Variants in TARS3 observed in about 807,000 individuals in gnomAD.
The protein encoded by TARS3 is threonyl-tRNA synthetase 3, also known as threonine--tRNA ligase 2, cytoplasmic.
A neutral mutation model predicts 103.5 loss-of-function variants in TARS3; 94 were observed. The observed-to-expected ratio is 0.91, with a 90% CI of 0.77 to 1.08. The LOEUF is 1.08. Among genes scored for constraint, TARS3 ranks in the 50% least tolerant of loss-of-function variants. The probability of loss-of-function intolerance (pLI) is 0.00; values close to 1 mark genes in which losing one functional copy is unlikely to be tolerated. For missense variants in TARS3, 952 were observed against 995.2 expected, an observed-to-expected ratio of 0.96 and a Z score of 0.58; for synonymous variants, 416 against 355.4, an observed-to-expected ratio of 1.17 and a Z score of -1.92.
intron 10 of TARS3, among the ~76,000 whole-genome samples, chr15:101,698,310 G>A: frequency 6.6e-6 from 1 of 151,934 alleles, no homozygotes; most frequent in East Asian, 1.9e-4. Context: ...TCCAACCTGG[G>A]CGACACAGCG....
chr15:101,723,085 C>A lies in TARS3; in HGVS notation c.369+8G>T, dbSNP rs1031808012. The A allele has an allele frequency of 1.2e-6, 2 of 1,613,670 alleles. No individual in the cohort carries two copies. The highest frequency in any genetic ancestry group is 1.6e-4 in the Middle Eastern group (1 of 6,062). The stretch of plus-strand genomic sequence containing the variant: ...GTATTTTATATTGTTTCCACAGCAA[C>A]AACTTACCTCGCTGTCAGCCTCGCT... On this transcript the variant is annotated splice_region_variant and intron_variant, in intron 2 of 18. Coordinates refer to ENST00000335968, the MANE Select transcript of TARS3 (RefSeq NM_152334.3).
At chr15:101,671,845 T>C (rs778594797) in intron 13 of TARS3, 97 bp from the exon 14 acceptor site, 122 of 954,556 alleles carry the variant, frequency 1.3e-4, no homozygotes, top group Middle Eastern at 3.0e-4. Flanking sequence ...TTACAGTCTA[T>C]GTTAGTTCAA....
intron 10 of TARS3, among the ~76,000 whole-genome samples, chr15:101,687,153 A>G (rs1898509282): frequency 6.6e-6 from 1 of 152,148 alleles, no homozygotes; most frequent in Admixed American, 6.5e-5. Context: ...CTGTAATCCC[A>G]GCACTTTGGG....
In TARS3 at chr15:101,724,256, C is replaced by G. The variant is rs989406034; in HGVS notation, c.132G>C (p.Gln44His). Residue 44 changes from glutamine (Q) to histidine (H), a missense_variant, in exon 1 of 19, where the codon CAG (glutamine) becomes CAC (histidine). Gln to His is a conservative substitution (Grantham distance 24). Around this residue, in one of 2 missense-constraint regions of TARS3, gnomAD observed 412 missense variants for 364.2 expected, o/e 1.13. Transcript: ENST00000335968. Reference sequence around the variant, plus strand: ...CCCGCGTGAGGCACGGCCCCTCCGCCTGGCAGCTGTAGGGCGCGTTCAGCT... The same window carrying G: ...CCCGCGTGAGGCACGGCCCCTCCGCGTGGCAGCTGTAGGGCGCGTTCAGCT... Reference protein sequence around the residue: ...DEQLNAPYSCQAEGPCLTREV... With the variant: ...DEQLNAPYSCHAEGPCLTREV... 2.9e-5 allele frequency: 45 copies of G among 1,563,578 alleles called. No individual in the cohort carries two copies. Among genetic ancestry groups the G allele is most frequent in the Non-Finnish European group, 3.8e-5 (44 of 1,161,658 alleles).
rs760396572 is a variant in TARS3 at position 101,653,962 on chromosome 15, T to A, written c.*620A>T. 9 of 152,268 alleles carry A rather than the reference T, an allele frequency of 5.9e-5. No individual in the cohort carries two copies. The highest frequency in any genetic ancestry group is 1.0e-4 in the Non-Finnish European group (7 of 68,072). The allele number at this position is 152,268 out of a possible 1,614,324, so 9.4% of individuals were successfully genotyped here. A position where few individuals can be genotyped will look rare whatever the true frequency, so the allele number is the denominator to read the frequency against. ...GATGCAATTCATTTGGGAATTTATT[T>A]TTTTCTAAAGCGGAACAAAACCTAA... On this transcript the variant is annotated 3_prime_UTR_variant, in exon 19 of 19. Coordinates refer to ENST00000335968, the MANE Select transcript of TARS3 (RefSeq NM_152334.3).
intron 17 of TARS3, 44 bp downstream of exon 17, chr15:101,657,741 A>G: frequency 1.5e-6 from 2 of 1,340,780 alleles, no homozygotes; most frequent in Non-Finnish European, 1.0e-6. Flanking sequence ...CCTACACAGA[A>G]TACATGCAAG....
At chr15:101,711,841 G>T in intron 5 of TARS3, 39 bp downstream of exon 5, 2 of 1,605,250 alleles carry the variant, frequency 1.2e-6, no homozygotes, top group South Asian at 2.2e-5. Flanking sequence ...CAATACAATT[G>T]AAACACATGC....
At chr15:101,667,145 T>C (rs1027636736) in intron 15 of TARS3, among the ~76,000 whole-genome samples, 2 of 152,104 alleles carry the variant, frequency 1.3e-5, no homozygotes, top group African/African-American at 4.8e-5. Context: ...TCCTGAGCAG[T>C]AGGTCTCAAC....
chr15:101,695,884 G>A (rs6598495), intron 10 of TARS3: 94,357 of 151,258 alleles, frequency 0.62, 30,266 homozygotes, highest in East Asian at 0.95. Context: ...CAGCCTGGGC[G>A]ACAAGGGCAA....
At chr15:101,665,013 T>C (rs1897525726) in intron 15 of TARS3, among the ~76,000 whole-genome samples, 1 of 151,904 alleles carries the variant, frequency 6.6e-6, no homozygotes, top group African/African-American at 2.4e-5. Context: ...TGGTAAAGAG[T>C]TGGTGAATTT....
intron 2 of TARS3, among the ~76,000 whole-genome samples, chr15:101,722,322 T>C (rs75566772): frequency 6.6e-6 from 1 of 151,738 alleles, no homozygotes; most frequent in East Asian, 1.9e-4. Flanking sequence ...TTACAGCACT[T>C]ACTTGTATAC....
chr15:101,695,231 C>T (rs1484254776), intron 10 of TARS3, among the ~76,000 whole-genome samples: 1 of 152,154 alleles, frequency 6.6e-6, no homozygotes, highest in African/African-American at 2.4e-5. Flanking sequence ...AACATTTCCA[C>T]CCTCCAGGAA....
intron 16 of TARS3, among the ~76,000 whole-genome samples, 198 bp from the exon 17 acceptor site, chr15:101,658,055 A>C (rs1395863195): frequency 6.6e-6 from 1 of 152,216 alleles, no homozygotes; most frequent in Non-Finnish European, 1.5e-5. Flanking sequence ...TTTTGATAGC[A>C]CAAGTGCAGG....
At chr15:101,655,429 G>A (rs1897164025) in intron 18 of TARS3, among the ~76,000 whole-genome samples, 1 of 140,096 alleles carries the variant, frequency 7.1e-6, no homozygotes, top group Non-Finnish European at 1.5e-5. Flanking sequence ...ATGAGAGCGG[G>A]GAGCTCTTAC....
At chr15:101,708,129 C>T (rs1167752940) in intron 6 of TARS3, among the ~76,000 whole-genome samples, 2 of 151,622 alleles carry the variant, frequency 1.3e-5, no homozygotes, top group East Asian at 3.9e-4. Context: ...GCCTGTAGTC[C>T]CAGCTGAGGG....
intron 13 of TARS3, among the ~76,000 whole-genome samples, chr15:101,673,232 C>T (rs556273229): frequency 6.6e-6 from 1 of 152,148 alleles, no homozygotes; most frequent in African/African-American, 2.4e-5. Context: ...AAACTATTTA[C>T]CCCCATTAAT....
At chr15:101,687,876 T>G (rs539020878) in intron 10 of TARS3, among the ~76,000 whole-genome samples, 15 of 152,200 alleles carry the variant, frequency 9.9e-5, no homozygotes, top group African/African-American at 3.6e-4. Flanking sequence ...CATCTGAGGT[T>G]ACAAGAAGTC....
intron 6 of TARS3, among the ~76,000 whole-genome samples, chr15:101,708,311 T>C (rs932300582): frequency 1.4e-5 from 2 of 144,692 alleles, no homozygotes; most frequent in South Asian, 2.2e-4. Context: ...ACAAAATGTA[T>C]GTTTTCTCCA....
At chr15:101,723,517 A>G (rs906033489) in intron 1 of TARS3, among the ~76,000 whole-genome samples, 8 of 152,234 alleles carry the variant, frequency 5.3e-5, no homozygotes, top group African/African-American at 1.4e-4. Flanking sequence ...GGACTGCAGA[A>G]CATCTCAGCC....
Sources: gnomAD v4.1 joint callset for allele counts (sites outside exome capture counted in the v4.1 genomes callset) on GRCh38, gnomAD v4.1.1 for gene constraint, gnomAD v4.1.1 regional missense constraint, MANE v1.5 for transcripts, NCBI Gene and HGNC (gene_info 2026-07-23, HGNC 2026-07-21) for gene names.